Variants in ASRGL1 observed in about 807,000 individuals in gnomAD.
ASRGL1 encodes isoaspartyl peptidase/L-asparaginase.
ASRGL1 carries 16 observed loss-of-function variants against 22.4 expected under a neutral mutation model. The ratio of observed to expected loss-of-function variants is 0.71; its 90% CI spans 0.48 to 1.08. The LOEUF (loss-of-function observed/expected upper bound fraction) is 1.08, where lower values mean the gene tolerates loss of function less well. Ranked by LOEUF, ASRGL1 falls within the 50% of genes least tolerant of loss-of-function variation. ASRGL1 has a pLI of 0.00. For synonymous variants in ASRGL1, 165 were observed against 159.3 expected (o/e 1.04, Z -0.27); for missense variants, 412 against 410.1 (o/e 1.00, Z -0.04).
chr11:62,389,329 C>A, intron 5 of ASRGL1, 78 bp downstream of exon 5: 2 of 1,304,734 alleles, frequency 1.5e-6, no homozygotes, highest in Non-Finnish European at 1.1e-6. Context: ...TTCCCTGCCC[C>A]TCTCCGTTTC....
At chr11:62,346,767 C>A (rs1177350734) in intron 2 of ASRGL1, among the ~76,000 whole-genome samples, 1 of 151,990 alleles carries the variant, frequency 6.6e-6, no homozygotes, top group Admixed American at 6.6e-5. Context: ...GTCAGGAGTT[C>A]GAGACCTGCC....
chr11:62,346,689 G>A, intron 2 of ASRGL1, among the ~76,000 whole-genome samples: 1 of 152,184 alleles, frequency 6.6e-6, no homozygotes, highest in East Asian at 1.9e-4. Context: ...TAACATCTGG[G>A]TCAGGCGCAG....
intron 2 of ASRGL1, among the ~76,000 whole-genome samples, chr11:62,354,373 C>G (rs1946230225): frequency 6.6e-6 from 1 of 152,158 alleles, no homozygotes; most frequent in Non-Finnish European, 1.5e-5. Flanking sequence ...ACCAATGGTA[C>G]TCAACCTTAT....
chr11:62,391,189 G>A (rs4432028), intron 5 of ASRGL1, among the ~76,000 whole-genome samples: 40,533 of 152,082 alleles, frequency 0.27, 5,517 homozygotes, highest in South Asian at 0.36. Context: ...CCTCCATAGT[G>A]TGTGGGGCAT....
chr11:62,346,950 G>A (rs534908652), intron 2 of ASRGL1, among the ~76,000 whole-genome samples: 3 of 147,184 alleles, frequency 2.0e-5, no homozygotes, highest in Non-Finnish European at 4.5e-5. Context: ...AGCCTGGGGC[G>A]ACAGTGAGAC....
intron 4 of ASRGL1, chr11:62,357,348 C>T (rs914298670): frequency 1.0e-5 from 5 of 494,134 alleles, no homozygotes; most frequent in Non-Finnish European, 1.4e-5. Context: ...CTCCCAGGCT[C>T]AAGCGGTTCT....
At chr11:62,395,417 G>GA (rs2134713285), downstream of ASRGL1, among the ~76,000 whole-genome samples, 1 of 152,252 alleles carries the variant, frequency 6.6e-6, no homozygotes, top group South Asian at 2.1e-4. Context: ...CCAAGCAGGA[G>GA]TTGCTGCAGT....
At chr11:62,348,424 CCG>C (rs1461763000) in intron 2 of ASRGL1, among the ~76,000 whole-genome samples, 13 of 152,282 alleles carry the variant, frequency 8.5e-5, no homozygotes, top group Middle Eastern at 3.4e-3. Flanking sequence ...GGGGTCATGG[CCG>C]GGCGTGGTGA....
intron 4 of ASRGL1, among the ~76,000 whole-genome samples, chr11:62,368,007 T>G (rs1391429151): frequency 2.0e-5 from 3 of 152,070 alleles, no homozygotes; most frequent in Non-Finnish European, 4.4e-5. Context: ...GTGGATTACT[T>G]GAGGTCAGGA....
At chr11:62,390,688 C>T (rs1947316175) in intron 5 of ASRGL1, among the ~76,000 whole-genome samples, 2 of 152,226 alleles carry the variant, frequency 1.3e-5, no homozygotes, top group African/African-American at 4.8e-5. Flanking sequence ...TGTCAGCTCC[C>T]TCCAGAACCA....
chr11:62,362,702 ATATAAAATATAT>A, intron 4 of ASRGL1, among the ~76,000 whole-genome samples: 1 of 81,372 alleles, frequency 1.2e-5, no homozygotes, highest in African/African-American at 4.9e-5. Flanking sequence ...ATTATATATT[ATATAAAATATAT>A]TATATGTTAT....
intron 4 of ASRGL1, among the ~76,000 whole-genome samples, chr11:62,362,714 T>TGTTATATATTATATAAAA (rs1565162538): frequency 1.9e-5 from 1 of 51,866 alleles, no homozygotes; most frequent in Admixed American, 4.2e-4. Flanking sequence ...ATAAAATATA[T>TGTTATATATTATATAAAA]TATATGTTAT....
At chr11:62,368,085 TCA>T (rs1368046752) in intron 4 of ASRGL1, among the ~76,000 whole-genome samples, 3 of 152,212 alleles carry the variant, frequency 2.0e-5, no homozygotes, top group Admixed American at 6.5e-5. Flanking sequence ...TTCTGTGCTT[TCA>T]GTTACCCACA....
intron 4 of ASRGL1, among the ~76,000 whole-genome samples, chr11:62,387,093 G>T (rs1947234633): frequency 6.7e-6 from 1 of 149,332 alleles, no homozygotes; most frequent in African/African-American, 2.5e-5. Context: ...AGTAGAGACA[G>T]AGTTTCACCA....
chr11:62,391,718 G>T, intron 6 of ASRGL1, 86 bp downstream of exon 6: 1 of 1,409,296 alleles, frequency 7.1e-7, no homozygotes. Flanking sequence ...GAGAAGTGTA[G>T]GAAACCCTTT....
At chr11:62,389,102 C>A in intron 4 of ASRGL1, 31 bp from the exon 5 acceptor site, 1 of 1,561,902 alleles carries the variant, frequency 6.4e-7, no homozygotes, top group South Asian at 1.1e-5. Flanking sequence ...CATTTTCAGC[C>A]TGTCACTTTT....
At chr11:62,362,591 AATAT>A (rs1193752065) in intron 4 of ASRGL1, among the ~76,000 whole-genome samples, 1 of 31,688 alleles carries the variant, frequency 3.2e-5, no homozygotes, top group Non-Finnish European at 6.3e-5. Context: ...TAAAATATAT[AATAT>A]ATATTATATA....
At chr11:62,345,751 C>T (rs1423675635) in intron 2 of ASRGL1, among the ~76,000 whole-genome samples, 3 of 152,118 alleles carry the variant, frequency 2.0e-5, no homozygotes, top group African/African-American at 4.8e-5. Context: ...ATGATAAAGC[C>T]GTGGTCCCCA....
chr11:62,376,520 G>C (rs952295491), intron 4 of ASRGL1, among the ~76,000 whole-genome samples: 2 of 152,082 alleles, frequency 1.3e-5, no homozygotes, highest in Non-Finnish European at 2.9e-5. Flanking sequence ...TTTCCTTCAT[G>C]TGGGCTGTTC....
Sources: allele counts gnomAD v4.1 joint callset (sites outside exome capture counted in the v4.1 genomes callset), GRCh38; gene constraint gnomAD v4.1.1; transcripts MANE v1.5; gene names NCBI Gene and HGNC (gene_info 2026-07-23, HGNC 2026-07-21).